FADS6: variants seen among roughly 807,000 people sequenced by gnomAD.
The protein encoded by FADS6 is fatty acid desaturase domain family, member 6.
Under a neutral mutation model 31.7 loss-of-function variants are expected in FADS6, and 28 were observed. That is an observed-to-expected ratio of 0.88 (90% CI 0.66 to 1.21). The LOEUF (loss-of-function observed/expected upper bound fraction) is 1.21, where lower values mean the gene tolerates loss of function less well. FADS6 is among the 50% of genes most tolerant of loss of function. The pLI, the probability that FADS6 is intolerant of heterozygous loss-of-function variation, is 0.00. For synonymous variants in FADS6, 191 were observed against 213.1 expected, an observed-to-expected ratio of 0.90 and a Z score of 0.90; for missense variants, 494 against 504.2, an observed-to-expected ratio of 0.98 and a Z score of 0.19.
In FADS6 at chr17:74,881,076, T is replaced by C; in HGVS notation, c.772A>G (p.Ile258Val). ...LLAHPYLHVNIFQHIGLPMFS... is the reference protein window; with the variant it reads ...LLAHPYLHVNVFQHIGLPMFS... The stretch of plus-strand genomic sequence containing the variant: ...GGTTGGGGTGGCCTCACCTGGAAGA[T>C]GTTGACGTGGAGGTAGGGGTGGGCC... Residue 258 changes from isoleucine (I) to valine (V), a missense_variant, in exon 4 of 6, where the codon ATC becomes GTC. By Grantham distance (29) the Ile-to-Val change is conservative. Transcript: ENST00000612771. 6.2e-7 allele frequency: 1 copy of C among 1,612,868 alleles called. No individual in the cohort carries two copies. Among genetic ancestry groups the C allele is most frequent in the South Asian group, 1.1e-5 (1 of 90,860 alleles).
intron 2 of FADS6, among the ~76,000 whole-genome samples, chr17:74,888,140 A>ACGCG (rs1425081128): frequency 8.1e-5 from 9 of 111,320 alleles, no homozygotes; most frequent in East Asian, 3.5e-4. Context: ...ACACACACAC[A>ACGCG]CACACACACA....
intron 2 of FADS6, among the ~76,000 whole-genome samples, chr17:74,884,064 T>A (rs1351860017): frequency 6.6e-6 from 1 of 152,152 alleles, no homozygotes; most frequent in African/African-American, 2.4e-5. Context: ...TCCCAGGGCC[T>A]TGTCCCTGGG....
chr17:74,879,321 C>T, intron 5 of FADS6, 83 bp downstream of exon 5: 1 of 1,515,998 alleles, frequency 6.6e-7, no homozygotes, highest in Non-Finnish European at 8.9e-7. Flanking sequence ...ATAGTGTGAG[C>T]AACGCCCCCA....
Position 74,893,543 on chromosome 17 carries a change from G to GGCTCCGTAGGTTCCATGA in FADS6, c.52_53insTCATGGAACCTACGGAGC (p.Glu17_Pro18insLeuMetGluProThrGlu). 7.1e-7 allele frequency: 1 copy of GGCTCCGTAGGTTCCATGA among 1,417,192 alleles called. No individual in the cohort carries two copies. The highest frequency in any genetic ancestry group is 2.7e-5 in the East Asian group (1 of 36,778). The allele number at this position is 1,417,192 out of a possible 1,614,324, so 87.8% of individuals were successfully genotyped here. Reference sequence around the variant, plus strand: ...TTCCATGGGCTCCGTAGGTTCCATGGGCTCCGTAGGTTCCATGGGCTCCGT... The same window carrying GGCTCCGTAGGTTCCATGA: ...TTCCATGGGCTCCGTAGGTTCCATGGGCTCCGTAGGTTCCATGAGCTCCGTAGGTTCCATGGGCTCCGT... On this transcript the variant is annotated inframe_insertion, in exon 1 of 6. Transcript: ENST00000612771.
chr17:74,891,464 C>T (rs140628978), intron 2 of FADS6, among the ~76,000 whole-genome samples: 2 of 152,202 alleles, frequency 1.3e-5, no homozygotes, highest in Admixed American at 6.5e-5. Flanking sequence ...ACAAACTTGG[C>T]GGGCAGCTGA....
chr17:74,876,168 G>C (rs1168801583), downstream of FADS6, among the ~76,000 whole-genome samples: 1 of 152,120 alleles, frequency 6.6e-6, no homozygotes, highest in Non-Finnish European at 1.5e-5. Context: ...CACCACAGAG[G>C]GGCTCTCCAA....
intron 2 of FADS6, among the ~76,000 whole-genome samples, chr17:74,888,367 C>T (rs1368447631): frequency 6.6e-6 from 1 of 151,996 alleles, no homozygotes; most frequent in Non-Finnish European, 1.5e-5. Context: ...TGAGTTTTCT[C>T]TCCAAATAAA....
Position 74,877,419 on chromosome 17 carries a change from C to T in FADS6, c.*912G>A, listed in dbSNP as rs1298151167. The T allele has an allele frequency of 6.6e-6, 1 of 152,086 alleles. No individual in the cohort carries two copies. Among genetic ancestry groups the T allele is most frequent in the African/African-American group, 2.4e-5 (1 of 41,400 alleles). 9.4% of individuals were successfully genotyped at this position (152,086 alleles called of 1,614,324 possible). ...TGCAATCTTGGCTCACTGCAACCTCCACCTCCCGGGTTCAGGTGATTCTTC... is the reference window on the plus strand; with the variant it reads ...TGCAATCTTGGCTCACTGCAACCTCTACCTCCCGGGTTCAGGTGATTCTTC... On this transcript the variant is annotated 3_prime_UTR_variant, in exon 6 of 6. Transcript: ENST00000612771.
At chr17:74,881,902 T>C (rs2038573821) in intron 3 of FADS6, among the ~76,000 whole-genome samples, 1 of 152,030 alleles carries the variant, frequency 6.6e-6, no homozygotes, top group African/African-American at 2.4e-5. Context: ...TCAAAGCTGA[T>C]AACATGAAGT....
Position 74,882,896 on chromosome 17 carries a change from G to A in FADS6, c.412-186C>T, listed in dbSNP as rs962666570. The A allele has an allele frequency of 6.9e-6, 10 of 1,447,056 alleles. No homozygotes were observed. The African/African-American group carries it at 1.3e-4, about 18-fold the overall frequency. 89.6% of individuals were successfully genotyped at this position (1,447,056 alleles called of 1,614,324 possible). ...CTCAGGTATCTATGACCACGGAGTGGCAGCCAGTCAATACAATCGTGTCCG... is the reference window on the plus strand; with the variant it reads ...CTCAGGTATCTATGACCACGGAGTGACAGCCAGTCAATACAATCGTGTCCG... On this transcript the variant is annotated intron_variant, in intron 2 of 5. Coordinates refer to ENST00000612771, the MANE Select transcript of FADS6 (RefSeq NM_178128.6).
chr17:74,879,506 C>T lies in FADS6; in HGVS notation c.858G>A (p.Leu286=), dbSNP rs1190007446. Reference sequence around the variant, plus strand: ...CCCAGTCCAGCACGGGCAGCCGGGCCAGGTTAAGCACCCCCAGGCTCATCA... The same window carrying T: ...CCCAGTCCAGCACGGGCAGCCGGGCTAGGTTAAGCACCCCCAGGCTCATCA... ...IHMMSLGVLN[L]ARLPVLDWAF... Residue 286 remains leucine, a synonymous_variant, in exon 5 of 6, where the codon CTG becomes CTA. Transcript: ENST00000612771. 1 of 1,613,884 alleles carries T rather than the reference C, an allele frequency of 6.2e-7. No homozygotes were observed. Among genetic ancestry groups the T allele is most frequent in the South Asian group, 1.1e-5 (1 of 91,078 alleles).
chr17:74,878,694 A>C (rs1304878240), intron 5 of FADS6, among the ~76,000 whole-genome samples: 1 of 152,212 alleles, frequency 6.6e-6, no homozygotes, highest in African/African-American at 2.4e-5. Flanking sequence ...AGGGATCCTG[A>C]CTGCATGACA....
In FADS6 at chr17:74,879,572, C is replaced by A; in HGVS notation, c.792G>T (p.Leu264=). Residue 264 remains leucine, a synonymous_variant, in exon 5 of 6, where the codon CTG becomes CTT. Transcript: ENST00000612771. ...LHVNIFQHIG[L]PMFSRDNKPR... ...GCTTGTTGTCCCGGGAGAACATGGG[C>A]AGTCCGATGTGCTGTGACAGACACG... 1 of 1,612,176 alleles carries A rather than the reference C, an allele frequency of 6.2e-7. No individual in the cohort carries two copies. The highest frequency in any genetic ancestry group is 8.5e-7 in the Non-Finnish European group (1 of 1,179,568).
intron 4 of FADS6, among the ~76,000 whole-genome samples, chr17:74,880,542 A>T (rs2038556619): frequency 6.6e-6 from 1 of 151,750 alleles, no homozygotes; most frequent in Non-Finnish European, 1.5e-5. Flanking sequence ...TTTAATAGAG[A>T]CAGGGTTTTA....
At chr17:74,885,302 C>CA (rs1197186899) in intron 2 of FADS6, among the ~76,000 whole-genome samples, 54 of 126,568 alleles carry the variant, frequency 4.3e-4, no homozygotes, top group Admixed American at 2.2e-3. Flanking sequence ...AAGAAAACCA[C>CA]AAAAAAAAAA....
intron 2 of FADS6, among the ~76,000 whole-genome samples, chr17:74,887,964 G>A (rs1179421353): frequency 6.6e-6 from 1 of 152,162 alleles, no homozygotes; most frequent in African/African-American, 2.4e-5. Context: ...GGGATTACAG[G>A]CGTGAGCCAC....
rs1567923763 is a variant in FADS6, at chr17:74,878,296, G to A, written c.*35C>T. The A allele has an allele frequency of 6.3e-7, 1 of 1,593,580 alleles. No homozygotes were observed. On this transcript the variant is annotated 3_prime_UTR_variant, in exon 6 of 6. Coordinates refer to ENST00000612771, the MANE Select transcript of FADS6 (RefSeq NM_178128.6). ...CAGCAGGAGGGCCAGGGCCAGGCCAGGGAGGGGCAGGGTGGCTGCACCGGC... is the reference window on the plus strand; with the variant it reads ...CAGCAGGAGGGCCAGGGCCAGGCCAAGGAGGGGCAGGGTGGCTGCACCGGC...
rs2038721466 is a variant in FADS6 at position 74,893,623 on chromosome 17, C to T, written c.-28G>A. 1.5e-6 allele frequency: 2 copies of T among 1,294,030 alleles called. No individual in the cohort carries two copies. The highest frequency in any genetic ancestry group is 6.2e-5 in the East Asian group (2 of 32,340). The allele number at this position is 1,294,030 out of a possible 1,614,324, so 80.2% of individuals were successfully genotyped here. On this transcript the variant is annotated 5_prime_UTR_variant, in exon 1 of 6. Transcript: ENST00000612771. ...ACTCTGTGGGCTCGGGCCCGACGCG[C>T]ACGGAGGACTGGAGGACTGGGGCGT...
At chr17:74,880,498 G>T (rs1177665383) in intron 4 of FADS6, among the ~76,000 whole-genome samples, 1 of 152,072 alleles carries the variant, frequency 6.6e-6, no homozygotes, top group East Asian at 1.9e-4. Flanking sequence ...GGGATTACTG[G>T]TGCTCGCCAC....
Sources: gnomAD v4.1 joint callset for allele counts (sites outside exome capture counted in the v4.1 genomes callset) on GRCh38, gnomAD v4.1.1 for gene constraint, MANE v1.5 for transcripts, NCBI Gene and HGNC (gene_info 2026-07-23, HGNC 2026-07-21) for gene names.